Variants in IL17RA observed in about 807,000 individuals in gnomAD.
IL17RA encodes the protein interleukin-17 receptor A.
IL17RA carries 34 observed loss-of-function variants against 50.4 expected under a neutral mutation model. The observed-to-expected ratio is 0.67, with a 90% CI of 0.51 to 0.90. The LOEUF is 0.90. Among genes scored for constraint, IL17RA ranks in the 40% least tolerant of loss-of-function variants. The pLI is 0.00. For missense variants in IL17RA, 1,276 were observed against 1,169.8 expected (o/e 1.09, Z -1.32); for synonymous variants, 585 against 510.4 (o/e 1.15, Z -1.97).
At chr22:17,103,461 A>T (rs1462574456) in intron 7 of IL17RA, 33 bp from the exon 8 acceptor site, 2 of 1,594,676 alleles carry the variant, frequency 1.3e-6, no homozygotes, top group East Asian at 4.5e-5. Context: ...ACCCATCCCA[A>T]CTAGCCTTAC....
chr22:17,106,032 T>G lies in IL17RA; in HGVS notation c.1045+78T>G, dbSNP rs578260235. 4.5e-6 allele frequency: 5 copies of G among 1,108,922 alleles called. No homozygotes were observed. In the South Asian group the frequency reaches 6.4e-5, roughly 14 times the overall value. 68.7% of individuals were successfully genotyped at this position (1,108,922 alleles called of 1,614,324 possible). On this transcript the variant is annotated intron_variant, in intron 11 of 12. Transcript: ENST00000319363. ...CCACTCACTACCAAGGCAAATCGCTTTATTCTCAGAGCCTCAGCTTCTTGC... is the reference window on the plus strand; with the variant it reads ...CCACTCACTACCAAGGCAAATCGCTGTATTCTCAGAGCCTCAGCTTCTTGC...
At position 17,115,587 on chromosome 22, in the gene IL17RA, G is replaced by GA. The variant is rs11389817; in HGVS notation, c.*5779dup. ...GTAATACTGGCTGCCTCTGTGCTAA[G>GA]AAAAAAAAAAAATCACTGTGTGTTT... On this transcript the variant is annotated 3_prime_UTR_variant, in exon 13 of 13. Coordinates refer to ENST00000319363, the MANE Select transcript of IL17RA (RefSeq NM_014339.7). 62,460 of 149,022 alleles carry GA rather than the reference G, an allele frequency of 0.42. 13,173 individuals are homozygous for GA. The highest frequency in any genetic ancestry group is 0.51 in the Admixed American group (7,610 of 15,026). The allele number at this position is 149,022 out of a possible 1,614,324, so 9.2% of individuals were successfully genotyped here. A position where few individuals can be genotyped will look rare whatever the true frequency, so the allele number is the denominator to read the frequency against.
chr22:17,110,032 C>G lies in IL17RA; in HGVS notation c.*212C>G. ...TCGTCTATCCCCAGGGGAATCCACA[C>G]AGCCCGCTCCCAGGAGCTAATGGTA... On this transcript the variant is annotated 3_prime_UTR_variant, in exon 13 of 13. Transcript: ENST00000319363. 5.0e-6 allele frequency: 3 copies of G among 595,750 alleles called. No individual in the cohort carries two copies. In the South Asian group the frequency reaches 6.0e-5, roughly 12 times the overall value. The allele number at this position is 595,750 out of a possible 1,614,324, so 36.9% of individuals were successfully genotyped here. A position where few individuals can be genotyped will look rare whatever the true frequency, so the allele number is the denominator to read the frequency against.
chr22:17,097,412 ATTTTG>A (rs1038467932), intron 2 of IL17RA: 2 of 512,528 alleles, frequency 3.9e-6, no homozygotes, highest in South Asian at 2.2e-5. Flanking sequence ...TGTGCTGTTG[ATTTTG>A]TTTTGTTTTA....
At position 17,097,784 on chromosome 22, in the gene IL17RA, C is replaced by T; in HGVS notation, c.164-13C>T. 1 of 1,614,054 alleles carries T rather than the reference C, an allele frequency of 6.2e-7. No homozygotes were observed. Among genetic ancestry groups the T allele is most frequent in the Non-Finnish European group, 8.5e-7 (1 of 1,180,044 alleles). ...CTATAAGTCTCTGAATGTTGCTTTT[C>T]CCTGGCTGCCAGGTACCTGCCTGGA... On this transcript the variant is annotated splice_polypyrimidine_tract_variant and intron_variant, in intron 2 of 12. Coordinates refer to ENST00000319363, the MANE Select transcript of IL17RA (RefSeq NM_014339.7).
chr22:17,096,636 C>G (rs1396098456), intron 1 of IL17RA, among the ~76,000 whole-genome samples: 1 of 151,990 alleles, frequency 6.6e-6, no homozygotes. Context: ...TTTGGGAGGC[C>G]GAGGCAGGCG....
At position 17,108,850 on chromosome 22, in the gene IL17RA, C is replaced by T. The variant is rs1332297840; in HGVS notation, c.1631C>T (p.Pro544Leu). ...FRIQDLEMFQ[P>L]GRMHRVGELS... ...ATCCAGGACCTGGAGATGTTCCAGC[C>T]GGGCCGCATGCACCGCGTAGGGGAG... The change falls in exon 13 of 13, where the codon CCG becomes CTG. Residue 544 changes from proline (P) to leucine (L), a missense_variant. Coordinates refer to ENST00000319363, the MANE Select transcript of IL17RA (RefSeq NM_014339.7). 1.2e-6 allele frequency: 2 copies of T among 1,608,292 alleles called. No individual in the cohort carries two copies. The highest frequency in any genetic ancestry group is 1.7e-6 in the Non-Finnish European group (2 of 1,177,666).
intron 1 of IL17RA, among the ~76,000 whole-genome samples, chr22:17,091,246 A>G (rs546346673): frequency 2.0e-5 from 3 of 152,324 alleles, no homozygotes; most frequent in East Asian, 1.9e-4. Flanking sequence ...TCATGTCAAC[A>G]TATCTTTATT....
chr22:17,107,288 C>T (rs1055378307), intron 11 of IL17RA, among the ~76,000 whole-genome samples: 3 of 152,138 alleles, frequency 2.0e-5, no homozygotes, highest in African/African-American at 7.2e-5. Flanking sequence ...TTGGGGTGGC[C>T]AAATTTCAGG....
intron 1 of IL17RA, among the ~76,000 whole-genome samples, chr22:17,091,807 G>A (rs2061349240): frequency 6.6e-6 from 1 of 152,002 alleles, no homozygotes; most frequent in African/African-American, 2.4e-5. Flanking sequence ...TGGGGCCTTG[G>A]TCTGGGTCTT....
At position 17,085,217 on chromosome 22, in the gene IL17RA, C is replaced by A. The variant is rs1358015503; in HGVS notation, c.126C>A (p.Val42=). 2 of 1,536,514 alleles carry A rather than the reference C, an allele frequency of 1.3e-6. No individual in the cohort carries two copies. Among genetic ancestry groups the A allele is most frequent in the Non-Finnish European group, 1.7e-6 (2 of 1,145,438 alleles). ...SLRLLDHRAL[V]CSQPGLNCTV... ...GACTCCTGGACCACCGGGCGCTGGTCTGCTCCCAGCCGGTGAGACTCGACG... is the reference window on the plus strand; with the variant it reads ...GACTCCTGGACCACCGGGCGCTGGTATGCTCCCAGCCGGTGAGACTCGACG... Residue 42 remains valine (V), a synonymous_variant, in exon 1 of 13, where the codon GTC becomes GTA. Coordinates refer to ENST00000319363, the MANE Select transcript of IL17RA (RefSeq NM_014339.7).
Position 17,097,932 on chromosome 22 carries a change from T to C in IL17RA, c.299T>C (p.Leu100Pro). ...CCCGTGGCTCACATCGAATGGACAC[T>C]GCAGACAGACGGTGAGTGGGCATGC... ...LFPVAHIEWT[L>P]QTDASILYLE... The change falls in exon 3 of 13, where the codon CTG (leucine) becomes CCG (proline). Residue 100 changes from leucine to proline, a missense_variant. Leu to Pro is a moderately conservative substitution (Grantham distance 98). Transcript: ENST00000319363. 1.2e-6 allele frequency: 2 copies of C among 1,614,094 alleles called. No individual in the cohort carries two copies. Among genetic ancestry groups the C allele is most frequent in the African/African-American group, 2.7e-5 (2 of 75,042 alleles).
intron 9 of IL17RA, 61 bp downstream of exon 9, chr22:17,104,871 C>G (rs911225585): frequency 6.6e-7 from 1 of 1,504,856 alleles, no homozygotes; most frequent in East Asian, 2.3e-5. Context: ...AGGCCCCCAG[C>G]CTGTGCTGCG....
Position 17,115,277 on chromosome 22 carries a change from T to C in IL17RA, c.*5457T>C, listed in dbSNP as rs1158580810. 2.0e-5 allele frequency: 3 copies of C among 152,404 alleles called. No individual in the cohort carries two copies. Among genetic ancestry groups the C allele is most frequent in the South Asian group, 4.1e-4 (2 of 4,834 alleles). The allele number at this position is 152,404 out of a possible 1,614,324, so 9.4% of individuals were successfully genotyped here. On this transcript the variant is annotated 3_prime_UTR_variant, in exon 13 of 13. Coordinates refer to ENST00000319363, the MANE Select transcript of IL17RA (RefSeq NM_014339.7). ...TCTGTAATTATTTTCTATGTAAATT[T>C]TGTTCCTTGTTACAATTATATATGT...
chr22:17,086,372 GAAAAA>G (rs35941988), intron 1 of IL17RA, among the ~76,000 whole-genome samples: 1 of 147,588 alleles, frequency 6.8e-6, no homozygotes, highest in Admixed American at 6.7e-5. Context: ...CTATGTCGCA[GAAAAA>G]AAAAAAAAGA....
In IL17RA at chr22:17,085,239, G is replaced by C; in HGVS notation, c.138+10G>C. 6.5e-7 allele frequency: 1 copy of C among 1,538,226 alleles called. No individual in the cohort carries two copies. The highest frequency in any genetic ancestry group is 1.2e-5 in the South Asian group (1 of 83,408). On this transcript the variant is annotated intron_variant, in intron 1 of 12. Coordinates refer to ENST00000319363, the MANE Select transcript of IL17RA (RefSeq NM_014339.7). ...GGTCTGCTCCCAGCCGGTGAGACTC[G>C]ACGTGGGGAGCGGTAGCCGCCAGGA...
rs1321238203 is a variant in IL17RA, at chr22:17,109,818, T to C, written c.2599T>C (p.Ter867ArgextTer35). 1.3e-6 allele frequency: 2 copies of C among 1,549,002 alleles called. No homozygotes were observed. The highest frequency in any genetic ancestry group is 2.7e-5 in the African/African-American group (2 of 73,052). The change falls in exon 13 of 13, where the codon TGA becomes CGA. Residue 867 changes from the stop codon to arginine (R), a stop_lost. Coordinates refer to ENST00000319363, the MANE Select transcript of IL17RA (RefSeq NM_014339.7). Reference sequence around the variant, plus strand: ...GTCAGAGTCAGAGGGGCCCAGTGCATGAGGGCGGCTCCCCAGGGACCGCCC... The same window carrying C: ...GTCAGAGTCAGAGGGGCCCAGTGCACGAGGGCGGCTCCCCAGGGACCGCCC... ...MGSESEGPSA[*>R]
In IL17RA at chr22:17,109,555, A is replaced by ACACGCCCTACG; in HGVS notation, c.2337_2347dup (p.Glu783AlafsTer58). 2.5e-6 allele frequency: 4 copies of ACACGCCCTACG among 1,599,648 alleles called. No homozygotes were observed. Among genetic ancestry groups the ACACGCCCTACG allele is most frequent in the Non-Finnish European group, 1.7e-6 (2 of 1,173,134 alleles). On this transcript the variant is annotated frameshift_variant, in exon 13 of 13. Coordinates refer to ENST00000319363, the MANE Select transcript of IL17RA (RefSeq NM_014339.7). LOFTEE classifies it low-confidence loss of function (END_TRUNC). ...CCCGCCATGGTCCTCACAGACCCAC[A>ACACGCCCTACG]CACGCCCTACGAGGAGGAGCAGCGG...
chr22:17,102,737 T>G (rs2061396326), intron 7 of IL17RA, among the ~76,000 whole-genome samples: 1 of 152,018 alleles, frequency 6.6e-6, no homozygotes, highest in Admixed American at 6.5e-5. Context: ...AAGTTGGAGT[T>G]CGAGACTACA....
Sources: allele counts gnomAD v4.1 joint callset (sites outside exome capture counted in the v4.1 genomes callset), GRCh38; gene constraint gnomAD v4.1.1; transcripts MANE v1.5; gene names NCBI Gene and HGNC (gene_info 2026-07-23, HGNC 2026-07-21).